ZFYVE16: variants seen among roughly 807,000 people sequenced by gnomAD.
ZFYVE16 encodes the protein zinc finger FYVE-type containing 16, also known as zinc finger FYVE domain-containing protein 16.
A neutral mutation model predicts 138.1 loss-of-function variants in ZFYVE16; 89 were observed. The observed-to-expected ratio is 0.64, with a 90% CI of 0.54 to 0.77. The LOEUF is 0.77. Among genes scored for constraint, ZFYVE16 ranks in the 30% least tolerant of loss-of-function variants. The probability of loss-of-function intolerance (pLI) is 0.00; values close to 1 mark genes in which losing one functional copy is unlikely to be tolerated. For missense variants in ZFYVE16, 1,793 were observed against 1,786.7 expected, an observed-to-expected ratio of 1.00 and a Z score of -0.06; for synonymous variants, 596 against 618.3, an observed-to-expected ratio of 0.96 and a Z score of 0.53.
chr5:80,420,768 G>A lies in ZFYVE16; in HGVS notation c.-93-6724G>A, dbSNP rs182354341. Among the ~76,000 whole-genome samples the A allele has an allele frequency of 2.4e-3, 371 of 152,320 alleles. 1 individual carries two copies. Among genetic ancestry groups the A allele is most frequent in the Non-Finnish European group, 4.7e-3 (320 of 68,028 alleles). Reference sequence around the variant, plus strand: ...CCGCAATAAACATATGTGTGCATGTGTCTTTATAGCAGCATGATTTATAAT... The same window carrying A: ...CCGCAATAAACATATGTGTGCATGTATCTTTATAGCAGCATGATTTATAAT... On this transcript the variant is annotated intron_variant, in intron 1 of 18. Coordinates refer to ENST00000505560, the MANE Select transcript of ZFYVE16 (RefSeq NM_001284236.3).
intron 1 of ZFYVE16, among the ~76,000 whole-genome samples, chr5:80,409,409 A>G (rs1182672268): frequency 6.6e-6 from 1 of 152,260 alleles, no homozygotes; most frequent in Non-Finnish European, 1.5e-5. Flanking sequence ...ACGCTTAAAA[A>G]TTATTGAGGA....
At chr5:80,428,286 T>C (rs1748441011) in intron 2 of ZFYVE16, among the ~76,000 whole-genome samples, 2 of 152,136 alleles carry the variant, frequency 1.3e-5, no homozygotes, top group Admixed American at 1.3e-4. Context: ...GGCAGCAACA[T>C]TTGCTGTTCA....
At chr5:80,444,776 A>G (rs1403724359) in intron 6 of ZFYVE16, among the ~76,000 whole-genome samples, 1 of 151,850 alleles carries the variant, frequency 6.6e-6, no homozygotes, top group East Asian at 1.9e-4. Context: ...TATGAAGAAT[A>G]TATAGATAAG....
intron 6 of ZFYVE16, among the ~76,000 whole-genome samples, chr5:80,444,291 C>G (rs1414012020): frequency 1.3e-5 from 2 of 151,926 alleles, no homozygotes; most frequent in African/African-American, 4.8e-5. Flanking sequence ...TGTATATATT[C>G]TATTGATAAC....
At chr5:80,416,585 T>C (rs915128498) in intron 1 of ZFYVE16, among the ~76,000 whole-genome samples, 2 of 151,240 alleles carry the variant, frequency 1.3e-5, no homozygotes, top group Non-Finnish European at 2.9e-5. Flanking sequence ...TGTGTTGGGT[T>C]ATACTTCAGT....
At chr5:80,472,079 C>T (rs895876089) in intron 15 of ZFYVE16, among the ~76,000 whole-genome samples, 4 of 152,066 alleles carry the variant, frequency 2.6e-5, no homozygotes, top group Non-Finnish European at 4.4e-5. Context: ...TGCTGTAACA[C>T]TGTGCTATGT....
chr5:80,420,004 G>GT (rs1423968731), intron 1 of ZFYVE16, among the ~76,000 whole-genome samples: 1 of 150,866 alleles, frequency 6.6e-6, no homozygotes, highest in Non-Finnish European at 1.5e-5. Flanking sequence ...TAGAGACGGG[G>GT]TTTCACCATG....
chr5:80,450,407 A>C, intron 9 of ZFYVE16, 24 bp from the exon 10 acceptor site: 1 of 1,601,936 alleles, frequency 6.2e-7, no homozygotes, highest in Non-Finnish European at 8.5e-7. Flanking sequence ...TGACATTAAT[A>C]GTTATATTCT....
In ZFYVE16 at chr5:80,438,883, A is replaced by T; in HGVS notation, c.2198A>T (p.Glu733Val). 2.5e-6 allele frequency: 4 copies of T among 1,614,110 alleles called. No individual in the cohort carries two copies. The highest frequency in any genetic ancestry group is 3.4e-6 in the Non-Finnish European group (4 of 1,179,970). ...TCTGTACCTGAAAACACTTGCAAAG[A>T]AGGCTTGGTTTTGGGCCAGAAACAG... ...EDSVPENTCK[E>V]GLVLGQKQPT... Residue 733 changes from glutamate (E) to valine (V), a missense_variant, in exon 4 of 19, where the codon GAA (glutamate) becomes GTA (valine). Physicochemically the swap from Glu to Val is moderately radical, Grantham distance 121 (BLOSUM62 -2). Around this residue, in one of 2 missense-constraint regions of ZFYVE16, gnomAD observed 1,295 missense variants for 1,204.3 expected, o/e 1.08. Coordinates refer to ENST00000505560, the MANE Select transcript of ZFYVE16 (RefSeq NM_001284236.3).
intron 14 of ZFYVE16, among the ~76,000 whole-genome samples, 153 bp from the exon 15 acceptor site, chr5:80,459,260 CT>C (rs200467963): frequency 1.9e-4 from 29 of 151,952 alleles, no homozygotes; most frequent in African/African-American, 6.8e-4. Context: ...TATTTTATCT[CT>C]TTTTTTTGTC....
intron 1 of ZFYVE16, among the ~76,000 whole-genome samples, chr5:80,414,945 A>G (rs1440728132): frequency 3.3e-5 from 5 of 152,204 alleles, no homozygotes; most frequent in Admixed American, 1.3e-4. Context: ...TTGGTTGGTA[A>G]GAGTTTTTCA....
chr5:80,470,163 G>T (rs1223069763), intron 15 of ZFYVE16, among the ~76,000 whole-genome samples: 2 of 143,096 alleles, frequency 1.4e-5, no homozygotes, highest in Non-Finnish European at 3.0e-5. Flanking sequence ...GTGCAGTGGC[G>T]CAATCTCGGC....
At chr5:80,446,518 C>T (rs1326221445) in intron 7 of ZFYVE16, among the ~76,000 whole-genome samples, 1 of 152,000 alleles carries the variant, frequency 6.6e-6, no homozygotes, top group Non-Finnish European at 1.5e-5. Flanking sequence ...CAAACATATT[C>T]TCACATCTGG....
chr5:80,428,323 G>A (rs1056275475), intron 2 of ZFYVE16, among the ~76,000 whole-genome samples: 4 of 152,162 alleles, frequency 2.6e-5, no homozygotes, highest in Non-Finnish European at 2.9e-5. Context: ...TGCAGCCTCC[G>A]CTGCTGAAAC....
At chr5:80,442,018 A>C in intron 5 of ZFYVE16, 1 of 703,538 alleles carries the variant, frequency 1.4e-6, no homozygotes, top group Non-Finnish European at 1.7e-6. Context: ...GATAGTAAAC[A>C]AAAAGATATC....
chr5:80,420,061 T>G (rs1483168480), intron 1 of ZFYVE16, among the ~76,000 whole-genome samples: 1 of 150,738 alleles, frequency 6.6e-6, no homozygotes, highest in African/African-American at 2.4e-5. Context: ...CTGCCCACCT[T>G]GGCCCCCCAA....
intron 12 of ZFYVE16, 51 bp from the exon 13 acceptor site, chr5:80,456,410 A>C: frequency 7.5e-7 from 1 of 1,337,450 alleles, no homozygotes. Context: ...TTTAATGGAT[A>C]GAAAAATACT....
Position 80,439,888 on chromosome 5 carries a change from G to C in ZFYVE16, c.2323-48G>C. ...CCTCCCCACACTGCCTCTAGTAGGTGTAAGTATTCTTGAAACAAAGACAAA... is the reference window on the plus strand; with the variant it reads ...CCTCCCCACACTGCCTCTAGTAGGTCTAAGTATTCTTGAAACAAAGACAAA... On this transcript the variant is annotated intron_variant, in intron 4 of 18. Coordinates refer to ENST00000505560, the MANE Select transcript of ZFYVE16 (RefSeq NM_001284236.3). 1.3e-6 allele frequency: 2 copies of C among 1,528,984 alleles called. 1 individual carries two copies. Among genetic ancestry groups the C allele is most frequent in the South Asian group, 2.4e-5 (2 of 83,452 alleles). 94.7% of individuals were successfully genotyped at this position (1,528,984 alleles called of 1,614,324 possible).
At chr5:80,464,099 G>C (rs1446434283) in intron 15 of ZFYVE16, among the ~76,000 whole-genome samples, 2 of 152,104 alleles carry the variant, frequency 1.3e-5, no homozygotes, top group African/African-American at 4.8e-5. Flanking sequence ...CCCTCTGCCT[G>C]TTACCAAGTT....
Sources: gnomAD v4.1 joint callset for allele counts (sites outside exome capture counted in the v4.1 genomes callset) on GRCh38, gnomAD v4.1.1 for gene constraint, gnomAD v4.1.1 regional missense constraint, MANE v1.5 for transcripts, NCBI Gene and HGNC (gene_info 2026-07-23, HGNC 2026-07-21) for gene names.